Variants in MPPED2 observed in about 807,000 individuals in gnomAD.
The protein encoded by MPPED2 is metallophosphoesterase MPPED2.
MPPED2 carries 5 observed loss-of-function variants against 33.0 expected under a neutral mutation model. The observed-to-expected ratio is 0.15, with a 90% CI of 0.08 to 0.32. MPPED2 has a LOEUF of 0.32. MPPED2 is among the 10% of genes least tolerant of loss of function. The pLI is 1.00. For synonymous variants in MPPED2, 136 were observed against 141.9 expected (o/e 0.96, Z 0.29); for missense variants, 275 against 372.1 (o/e 0.74, Z 2.15).
At chr11:30,512,095 A>T (rs1192906519) in intron 3 of MPPED2, among the ~76,000 whole-genome samples, 1 of 152,184 alleles carries the variant, frequency 6.6e-6, no homozygotes, top group Non-Finnish European at 1.5e-5. Flanking sequence ...CAATGACTTC[A>T]CTGAGGAGAC....
At chr11:30,543,701 A>C (rs528862180) in intron 2 of MPPED2, among the ~76,000 whole-genome samples, 3 of 152,268 alleles carry the variant, frequency 2.0e-5, no homozygotes, top group Admixed American at 6.5e-5. Flanking sequence ...ATTCCAACAG[A>C]GAACAAAGAA....
intron 4 of MPPED2, among the ~76,000 whole-genome samples, chr11:30,425,992 C>G (rs550416459): frequency 1.3e-5 from 2 of 152,258 alleles, no homozygotes; most frequent in South Asian, 4.2e-4. Context: ...ACAAAATTTA[C>G]CATTTTAACC....
exon 7 of MPPED2, chr11:30,387,051 G>A: frequency 3.1e-6 from 1 of 326,286 alleles, no homozygotes; most frequent in East Asian, 4.6e-5. Flanking sequence ...GCATCTAACT[G>A]CACAGCGTGC....
At chr11:30,449,822 T>G (rs953073287) in intron 4 of MPPED2, among the ~76,000 whole-genome samples, 6 of 152,150 alleles carry the variant, frequency 3.9e-5, no homozygotes, top group African/African-American at 1.4e-4. Context: ...TAAGTCTGCT[T>G]AAACAGACCT....
intron 3 of MPPED2, among the ~76,000 whole-genome samples, chr11:30,498,313 G>A (rs959014227): frequency 3.9e-5 from 6 of 151,944 alleles, no homozygotes; most frequent in East Asian, 1.9e-4. Flanking sequence ...AGCCGGGCAC[G>A]GTGGCTCACA....
chr11:30,494,737 C>CAAAAAAAAA (rs767500886), intron 4 of MPPED2, among the ~76,000 whole-genome samples: 16 of 47,568 alleles, frequency 3.4e-4, no homozygotes, highest in East Asian at 8.2e-4. Context: ...TACTCCACCT[C>CAAAAAAAAA]AAAAAAAAAA....
intron 4 of MPPED2, among the ~76,000 whole-genome samples, chr11:30,440,285 G>A (rs1431393398): frequency 5.3e-5 from 8 of 151,254 alleles, no homozygotes; most frequent in East Asian, 1.9e-4. Flanking sequence ...AGCCGAGGTC[G>A]CGCCACTGCA....
chr11:30,453,338 T>G (rs1950144716), intron 4 of MPPED2, among the ~76,000 whole-genome samples: 1 of 152,234 alleles, frequency 6.6e-6, no homozygotes, highest in Non-Finnish European at 1.5e-5. Flanking sequence ...AGATCATCTA[T>G]TGGCTCTCAA....
At chr11:30,563,885 T>C (rs922216676) in intron 2 of MPPED2, among the ~76,000 whole-genome samples, 5 of 152,172 alleles carry the variant, frequency 3.3e-5, no homozygotes, top group African/African-American at 1.2e-4. Context: ...TAGGAGCGAA[T>C]GTACATGTCA....
intron 4 of MPPED2, among the ~76,000 whole-genome samples, chr11:30,494,757 A>G (rs11822539): frequency 0.011 from 1,306 of 120,912 alleles, 41 homozygotes; most frequent in African/African-American, 0.059. Context: ...AAAAAAAAAA[A>G]AAAGAAAGAA....
At chr11:30,447,519 T>G (rs113480835) in intron 4 of MPPED2, among the ~76,000 whole-genome samples, 7 of 152,202 alleles carry the variant, frequency 4.6e-5, no homozygotes, top group African/African-American at 1.7e-4. Flanking sequence ...TGAGACCAGT[T>G]GTAATAGGAG....
chr11:30,581,815 C>T (rs1358528884), intron 1 of MPPED2, among the ~76,000 whole-genome samples: 1 of 152,096 alleles, frequency 6.6e-6, no homozygotes, highest in East Asian at 1.9e-4. Flanking sequence ...AGCTAAATAA[C>T]ACCCACCTTG....
chr11:30,585,869 C>T (rs1228211541), intron 1 of MPPED2, among the ~76,000 whole-genome samples, 173 bp downstream of exon 1: 2 of 152,220 alleles, frequency 1.3e-5, no homozygotes, highest in Admixed American at 6.5e-5. Context: ...GGCACCGGGG[C>T]AGCCCGGGTC....
At position 30,547,265 on chromosome 11, in the gene MPPED2, C is replaced by A. The variant is rs779942560; in HGVS notation, c.129-11090G>T. On this transcript the variant is annotated intron_variant, in intron 2 of 6. Coordinates refer to ENST00000358117, the MANE Select transcript of MPPED2 (RefSeq NM_001584.3). The stretch of plus-strand genomic sequence containing the variant: ...AGTGGCATGTCCAGAACTCTTTCAA[C>A]AGGGAAAAGTTTGTTCACTCCTGAT... Among the ~76,000 whole-genome samples the A allele has an allele frequency of 3.5e-4, 53 of 152,310 alleles. 1 individual carries two copies. The highest frequency in any genetic ancestry group is 6.8e-3 in the Middle Eastern group (2 of 294).
chr11:30,456,461 C>T (rs1950281797), intron 4 of MPPED2, among the ~76,000 whole-genome samples: 1 of 152,152 alleles, frequency 6.6e-6, no homozygotes, highest in Admixed American at 6.5e-5. Flanking sequence ...TTCCATACAT[C>T]ACTTGGGCGG....
At chr11:30,430,503 A>G (rs1381459123) in intron 4 of MPPED2, among the ~76,000 whole-genome samples, 1 of 152,226 alleles carries the variant, frequency 6.6e-6, no homozygotes, top group East Asian at 1.9e-4. Context: ...AAAATTACCT[A>G]TGTAGTTCAC....
intron 4 of MPPED2, among the ~76,000 whole-genome samples, chr11:30,428,754 A>G (rs1482748222): frequency 3.3e-5 from 5 of 152,174 alleles, no homozygotes; most frequent in African/African-American, 9.7e-5. Context: ...CCATACACGT[A>G]TGTTGTGCAG....
intron 2 of MPPED2, among the ~76,000 whole-genome samples, chr11:30,570,970 A>C (rs1956662572): frequency 6.6e-6 from 1 of 152,292 alleles, no homozygotes; most frequent in East Asian, 1.9e-4. Context: ...TGTACAAAGA[A>C]ATAAGTGAGT....
At chr11:30,545,858 GATATAC>G (rs1565171881) in intron 2 of MPPED2, among the ~76,000 whole-genome samples, 1 of 151,666 alleles carries the variant, frequency 6.6e-6, no homozygotes, top group African/African-American at 2.4e-5. Flanking sequence ...AGGCATGACT[GATATAC>G]ATATATATAT....
Sources: gnomAD v4.1 joint callset for allele counts (sites outside exome capture counted in the v4.1 genomes callset) on GRCh38, gnomAD v4.1.1 for gene constraint, MANE v1.5 for transcripts, NCBI Gene and HGNC (gene_info 2026-07-23, HGNC 2026-07-21) for gene names.